The following PCDH15 variants were observed in gnomAD, a reference collection of about 807,000 sequenced individuals.
PCDH15 encodes protocadherin related 15, also known as protocadherin-15.
A neutral mutation model predicts 178.5 loss-of-function variants in PCDH15; 129 were observed. The observed-to-expected ratio is 0.72, with a 90% CI of 0.63 to 0.84. The LOEUF (loss-of-function observed/expected upper bound fraction) is 0.84, where lower values mean the gene tolerates loss of function less well. Ranked by LOEUF, PCDH15 falls within the 40% of genes least tolerant of loss-of-function variation. PCDH15 has a pLI of 0.00. For synonymous variants in PCDH15, 800 were observed against 732.0 expected, an observed-to-expected ratio of 1.09 and a Z score of -1.50; for missense variants, 2,230 against 2,099.9, an observed-to-expected ratio of 1.06 and a Z score of -1.21.
chr10:54,017,665 G>A (rs1435108898), intron 20 of PCDH15, among the ~76,000 whole-genome samples: 4 of 151,886 alleles, frequency 2.6e-5, no homozygotes, highest in African/African-American at 9.6e-5. Flanking sequence ...GAAGAAGCGG[G>A]GGTTGAGAAA....
chr10:54,245,057 T>C (rs1266686863), intron 8 of PCDH15, among the ~76,000 whole-genome samples: 1 of 152,106 alleles, frequency 6.6e-6, no homozygotes, highest in African/African-American at 2.4e-5. Context: ...ACCTCCTTGT[T>C]AGCAGGGACT....
chr10:55,326,005 T>C (rs1038240851), intron 2 of PCDH15, among the ~76,000 whole-genome samples: 22 of 152,176 alleles, frequency 1.4e-4, no homozygotes, highest in African/African-American at 5.3e-4. Context: ...GCGTCACTAA[T>C]CATTAGAGAA....
chr10:55,373,622 A>G (rs1048457373), intron 2 of PCDH15, among the ~76,000 whole-genome samples: 1 of 152,098 alleles, frequency 6.6e-6, no homozygotes, highest in Non-Finnish European at 1.5e-5. Context: ...TTAGTGCGAG[A>G]TCAGAGAGGC....
chr10:55,249,094 G>A (rs905545666), intron 1 of PCDH15, among the ~76,000 whole-genome samples: 2 of 152,008 alleles, frequency 1.3e-5, no homozygotes, highest in Non-Finnish European at 2.9e-5. Flanking sequence ...ATAAACAAAC[G>A]ATAAAATCAA....
chr10:53,998,392 A>G (rs1488643603), intron 20 of PCDH15, among the ~76,000 whole-genome samples: 2 of 152,164 alleles, frequency 1.3e-5, no homozygotes, highest in Non-Finnish European at 2.9e-5. Flanking sequence ...ATTTGTTTCC[A>G]TGTGTCAAGC....
At chr10:55,101,433 T>G (rs1842574464) in intron 2 of PCDH15, among the ~76,000 whole-genome samples, 1 of 151,676 alleles carries the variant, frequency 6.6e-6, no homozygotes, top group African/African-American at 2.4e-5. Context: ...CCACTCCTCT[T>G]ATCTAATAAA....
chr10:54,702,530 T>A, intron 1 of PCDH15, among the ~76,000 whole-genome samples: 1 of 117,656 alleles, frequency 8.5e-6, no homozygotes, highest in African/African-American at 3.1e-5. Context: ...TTACTTCCAA[T>A]TCCACAGAAA....
intron 8 of PCDH15, among the ~76,000 whole-genome samples, chr10:54,289,277 G>A (rs1250721236): frequency 6.6e-6 from 1 of 152,172 alleles, no homozygotes; most frequent in Non-Finnish European, 1.5e-5. Context: ...GCAGCTGAGG[G>A]ACCTGAATGT....
chr10:54,866,161 G>C (rs958630295), intron 3 of PCDH15, among the ~76,000 whole-genome samples: 3 of 152,202 alleles, frequency 2.0e-5, no homozygotes, highest in African/African-American at 7.2e-5. Context: ...TCCAGGAATA[G>C]TTTTGAATAG....
chr10:54,748,750 C>T (rs1039586202), intron 1 of PCDH15, among the ~76,000 whole-genome samples: 5 of 152,122 alleles, frequency 3.3e-5, no homozygotes, highest in African/African-American at 1.2e-4. Flanking sequence ...TAAACAGGCT[C>T]ATATTATAAT....
chr10:55,097,236 C>G (rs1842467628), intron 2 of PCDH15, among the ~76,000 whole-genome samples: 1 of 151,992 alleles, frequency 6.6e-6, no homozygotes, highest in African/African-American at 2.4e-5. Flanking sequence ...TTGCTATATC[C>G]TGTCACGGTG....
chr10:53,953,991 C>T (rs1042054182), intron 23 of PCDH15, among the ~76,000 whole-genome samples: 8 of 152,058 alleles, frequency 5.3e-5, no homozygotes, highest in Non-Finnish European at 8.8e-5. Context: ...AGGGTTTCAC[C>T]GTGTTAGCCA....
At chr10:53,976,962 C>G (rs12220450) in intron 21 of PCDH15, among the ~76,000 whole-genome samples, 10,289 of 151,004 alleles carry the variant, frequency 0.068, 1,003 homozygotes, top group African/African-American at 0.21. Flanking sequence ...GATACAAGAC[C>G]CTTCACTGTC....
chr10:55,339,290 TAACAAC>T (rs34058084), intron 2 of PCDH15, among the ~76,000 whole-genome samples: 6 of 150,658 alleles, frequency 4.0e-5, no homozygotes, highest in South Asian at 2.1e-4. Flanking sequence ...CCATAACAAT[TAACAAC>T]AACAACAACA....
At chr10:55,503,913 A>G (rs1840708147) in intron 2 of PCDH15, among the ~76,000 whole-genome samples, 1 of 151,432 alleles carries the variant, frequency 6.6e-6, no homozygotes, top group Non-Finnish European at 1.5e-5. Context: ...TATTTATCCA[A>G]AGAAGCCAAT....
intron 2 of PCDH15, among the ~76,000 whole-genome samples, chr10:54,934,093 T>C (rs1837846696): frequency 6.6e-6 from 1 of 152,130 alleles, no homozygotes; most frequent in Admixed American, 6.6e-5. Context: ...CCAAACCAGA[T>C]TTTTAGGTAA....
intron 2 of PCDH15, among the ~76,000 whole-genome samples, chr10:55,353,974 C>T (rs1448913302): frequency 6.6e-6 from 1 of 152,028 alleles, no homozygotes; most frequent in Admixed American, 6.6e-5. Flanking sequence ...AGAGACGATT[C>T]TTTATATTTG....
intron 2 of PCDH15, among the ~76,000 whole-genome samples, chr10:54,926,752 A>G (rs1392465912): frequency 6.6e-6 from 1 of 152,054 alleles, no homozygotes; most frequent in Non-Finnish European, 1.5e-5. Flanking sequence ...ATGTGTTAAT[A>G]ATATTCTCCG....
At chr10:54,264,024 A>G (rs752672358) in intron 8 of PCDH15, among the ~76,000 whole-genome samples, 7 of 151,938 alleles carry the variant, frequency 4.6e-5, no homozygotes, top group Non-Finnish European at 7.4e-5. Context: ...GGACTTTTGT[A>G]CTTACACCAG....
Sources: allele counts gnomAD v4.1 joint callset (sites outside exome capture counted in the v4.1 genomes callset), GRCh38; gene constraint gnomAD v4.1.1; transcripts MANE v1.5; gene names NCBI Gene and HGNC (gene_info 2026-07-23, HGNC 2026-07-21).